Variants in DAB1 observed in about 807,000 individuals in gnomAD.
The protein encoded by DAB1 is disabled homolog 1.
DAB1 carries 15 observed loss-of-function variants against 64.6 expected under a neutral mutation model. That is an observed-to-expected ratio of 0.23 (90% CI 0.16 to 0.36). The LOEUF is 0.36. Ranked by LOEUF, DAB1 falls within the 10% of genes least tolerant of loss-of-function variation. The pLI, the probability that DAB1 is intolerant of heterozygous loss-of-function variation, is 1.00. For missense variants in DAB1, 596 were observed against 706.7 expected (o/e 0.84, Z 1.78); for synonymous variants, 235 against 251.9 (o/e 0.93, Z 0.64).
chr1:57,134,507 G>C (rs1223158382), intron 4 of DAB1, among the ~76,000 whole-genome samples: 1 of 151,704 alleles, frequency 6.6e-6, no homozygotes, highest in African/African-American at 2.4e-5. Flanking sequence ...AGAATTACTT[G>C]AACCTGGGAG....
At chr1:57,011,055 T>C in intron 13 of DAB1, 90 bp downstream of exon 13, 3 of 1,512,112 alleles carry the variant, frequency 2.0e-6, no homozygotes, top group Non-Finnish European at 2.7e-6. Context: ...CATTCTTTTC[T>C]ATGTAGGCTT....
At chr1:58,407,803 G>A (rs1251318250) in intron 3 of DAB1, among the ~76,000 whole-genome samples, 1 of 152,270 alleles carries the variant, frequency 6.6e-6, no homozygotes, top group East Asian at 1.9e-4. Context: ...CCATGGAGCA[G>A]CCAAAGTAAG....
chr1:57,027,697 T>C (rs892068167), intron 9 of DAB1, among the ~76,000 whole-genome samples: 4 of 152,208 alleles, frequency 2.6e-5, no homozygotes, highest in African/African-American at 7.2e-5. Flanking sequence ...TTCTTTGATG[T>C]TTGGTTAAGA....
At chr1:57,140,738 C>G (rs191475789) in intron 3 of DAB1, among the ~76,000 whole-genome samples, 2 of 151,988 alleles carry the variant, frequency 1.3e-5, no homozygotes, top group African/African-American at 4.8e-5. Context: ...ACTTTTGAGA[C>G]CTAATATTGA....
At chr1:58,224,565 G>A (rs1659357170) in intron 4 of DAB1, among the ~76,000 whole-genome samples, 1 of 151,962 alleles carries the variant, frequency 6.6e-6, no homozygotes, top group South Asian at 2.1e-4. Context: ...AGACTAGTGG[G>A]GACACCAAGA....
intron 1 of DAB1, among the ~76,000 whole-genome samples, chr1:57,331,929 C>T (rs1256856277): frequency 6.6e-6 from 1 of 152,164 alleles, no homozygotes; most frequent in Non-Finnish European, 1.5e-5. Context: ...TTTATCAGCA[C>T]TAGCTTGCTC....
At chr1:58,342,636 A>G (rs1643953024) in intron 4 of DAB1, among the ~76,000 whole-genome samples, 1 of 152,158 alleles carries the variant, frequency 6.6e-6, no homozygotes, top group Non-Finnish European at 1.5e-5. Flanking sequence ...GCTGAATTCA[A>G]CATCTTTTGG....
At chr1:57,173,148 AC>A (rs1283109674) in intron 2 of DAB1, among the ~76,000 whole-genome samples, 3 of 152,062 alleles carry the variant, frequency 2.0e-5, no homozygotes, top group African/African-American at 4.8e-5. Flanking sequence ...CCAGCTACTT[AC>A]CCCCAAAGCA....
intron 6 of DAB1, among the ~76,000 whole-genome samples, chr1:57,762,262 G>A (rs1014231312): frequency 2.0e-5 from 3 of 151,802 alleles, no homozygotes; most frequent in Non-Finnish European, 4.4e-5. Context: ...AAAGAGGCCT[G>A]CGTCCCTTCC....
At chr1:57,460,224 T>G (rs1686738064) in intron 7 of DAB1, among the ~76,000 whole-genome samples, 1 of 152,236 alleles carries the variant, frequency 6.6e-6, no homozygotes, top group African/African-American at 2.4e-5. Context: ...TAACACAGGA[T>G]GAATTTCAGC....
chr1:56,996,543 A>C lies in DAB1; in HGVS notation c.*1601T>G, dbSNP rs192300547. 7 of 152,240 alleles carry C rather than the reference A, an allele frequency of 4.6e-5. No homozygotes were observed. 9.4% of individuals were successfully genotyped at this position (152,240 alleles called of 1,614,324 possible). A position where few individuals can be genotyped will look rare whatever the true frequency, so the allele number is the denominator to read the frequency against. On this transcript the variant is annotated 3_prime_UTR_variant, in exon 15 of 15. Transcript: ENST00000371236. ...TCACGTACAAACAGTCCAGTGATTT[A>C]TATCGGGGGTAGGTGGGAGTGGGGA...
chr1:58,419,424 C>T (rs1448360959), intron 3 of DAB1, among the ~76,000 whole-genome samples: 3 of 152,126 alleles, frequency 2.0e-5, no homozygotes, highest in African/African-American at 2.4e-5. Flanking sequence ...TAAGCTATGA[C>T]CATCATCCAT....
At chr1:57,495,185 G>A (rs1644215640) in intron 7 of DAB1, among the ~76,000 whole-genome samples, 1 of 152,114 alleles carries the variant, frequency 6.6e-6, no homozygotes, top group Admixed American at 6.5e-5. Context: ...GATTTGCCTA[G>A]ATTAACTGAA....
downstream of DAB1, among the ~76,000 whole-genome samples, chr1:57,821,450 C>T (rs947575915): frequency 6.6e-6 from 1 of 152,192 alleles, no homozygotes; most frequent in African/African-American, 2.4e-5. Context: ...GTCCATTTGT[C>T]ACATCTATGA....
At chr1:57,102,787 A>G (rs922889311) in intron 4 of DAB1, among the ~76,000 whole-genome samples, 1 of 152,156 alleles carries the variant, frequency 6.6e-6, no homozygotes, top group Non-Finnish European at 1.5e-5. Context: ...TGAACAGTTC[A>G]TTTATTCATG....
chr1:58,332,265 T>C (rs1257751506), intron 4 of DAB1, among the ~76,000 whole-genome samples: 2 of 152,164 alleles, frequency 1.3e-5, no homozygotes, highest in Admixed American at 1.3e-4. Flanking sequence ...ACCTCACCTG[T>C]TTGTGTTCCT....
At chr1:57,917,178 C>T (rs1219164961) in intron 5 of DAB1, among the ~76,000 whole-genome samples, 1 of 152,114 alleles carries the variant, frequency 6.6e-6, no homozygotes, top group Non-Finnish European at 1.5e-5. Flanking sequence ...TCCCATGTTC[C>T]CCTCCCCTCC....
chr1:57,666,465 G>A (rs1461631723), intron 6 of DAB1, among the ~76,000 whole-genome samples: 1 of 152,098 alleles, frequency 6.6e-6, no homozygotes, highest in East Asian at 1.9e-4. Context: ...TGTTTCCTGA[G>A]CAACAAAAGG....
At position 58,232,476 on chromosome 1, in the gene DAB1, T is replaced by TACACACACACACACAC. The variant is rs58863239; in HGVS notation, n.310-81904_310-81889dup. ...CAGGATGGGCTGACATCTGAGTGAA[T>TACACACACACACACAC]ACACACACACACACACACACACACA... On this transcript the variant is annotated intron_variant and non_coding_transcript_variant, in intron 4 of 20. Coordinates refer to the DAB1 transcript ENST00000485760. 2.8e-5 allele frequency among the ~76,000 whole-genome samples: 4 copies of TACACACACACACACAC among 144,134 alleles called. No individual in the cohort carries two copies. In the East Asian group the frequency reaches 6.4e-4, roughly 23 times the overall value. The allele number at this position is 144,134 out of a possible 152,430, so 94.6% of individuals were successfully genotyped here.
Sources: allele counts gnomAD v4.1 joint callset (sites outside exome capture counted in the v4.1 genomes callset), GRCh38; gene constraint gnomAD v4.1.1; transcripts MANE v1.5; gene names NCBI Gene and HGNC (gene_info 2026-07-23, HGNC 2026-07-21).